Variants in SLC38A5 observed in about 807,000 individuals in gnomAD.
SLC38A5 encodes the protein solute carrier family 38 member 5, also known as sodium-coupled neutral amino acid transporter 5.
SLC38A5 carries 9 observed loss-of-function variants against 34.6 expected under a neutral mutation model. That is an observed-to-expected ratio of 0.26 (90% confidence interval 0.16 to 0.45). The LOEUF (loss-of-function observed/expected upper bound fraction) is 0.45, where lower values mean the gene tolerates loss of function less well. Among genes scored for constraint, SLC38A5 ranks in the 20% least tolerant of loss-of-function variants. The probability of loss-of-function intolerance (pLI) is 1.00; values close to 1 mark genes in which losing one functional copy is unlikely to be tolerated. For synonymous variants in SLC38A5, 157 were observed against 155.6 expected, an observed-to-expected ratio of 1.01 and a Z score of -0.07; for missense variants, 253 against 394.7, an observed-to-expected ratio of 0.64 and a Z score of 3.04.
intron 2 of SLC38A5, 183 bp from the exon 3 acceptor site, chrX:48,468,108 T>TGA: frequency 2.3e-6 from 2 of 880,126 alleles, no homozygotes; most frequent in Non-Finnish European, 3.0e-6. Context: ...GAGAAAGAGA[T>TGA]GAGAGAGAGA....
In SLC38A5 at chrX:48,466,822, A is replaced by G; in HGVS notation, c.296T>C (p.Leu99Pro). 8.3e-7 allele frequency: 1 copy of G among 1,205,206 alleles called. No individual in the cohort carries two copies. Among genetic ancestry groups the G allele is most frequent in the Non-Finnish European group, 1.1e-6 (1 of 892,276 alleles). ...ACCTGCAATACCAGCACAGGTCAGC[A>G]GGAGGTGGATGGAGTAGGACGACAG... ...ALLSSYSIHL[L>P]LTCAGIAGIR... The change falls in exon 6 of 17, where the codon CTG becomes CCG. Residue 99 changes from leucine (L) to proline (P), a missense_variant. Around this residue, in one of 3 missense-constraint regions of SLC38A5, gnomAD observed 37 missense variants for 85.3 expected, o/e 0.43. Coordinates refer to ENST00000620913, the MANE Select transcript of SLC38A5 (RefSeq NM_033518.4).
At position 48,462,992 on chromosome X, in the gene SLC38A5, G is replaced by A. The variant is rs372760215; in HGVS notation, c.492-12C>T. 1,900 of 1,168,795 alleles carry A rather than the reference G, an allele frequency of 1.6e-3. 8 individuals carry two copies. The highest frequency in any genetic ancestry group is 8.5e-3 in the Middle Eastern group (36 of 4,227). On this transcript the variant is annotated splice_polypyrimidine_tract_variant and intron_variant, in intron 8 of 16. Transcript: ENST00000620913. ...TCAAGAACCAGTCCCTAGAGAGACA[G>A]GAAGACACAGTGCCTAGCTGCCAGC...
At position 48,458,874 on chromosome X, in the gene SLC38A5, G is replaced by A; in HGVS notation, c.*59C>T. The A allele has an allele frequency of 8.8e-7, 1 of 1,133,567 alleles. No homozygotes were observed. 93.4% of individuals were successfully genotyped at this position (1,133,567 alleles called of 1,213,427 possible). On this transcript the variant is annotated 3_prime_UTR_variant, in exon 17 of 17. Coordinates refer to ENST00000620913, the MANE Select transcript of SLC38A5 (RefSeq NM_033518.4). ...ACATGTTGGGCAGGAGGGACCCTAG[G>A]GAGCGGCCCTGACCCCTCCATGTGC... is the stretch of plus-strand genomic sequence containing the variant.
In SLC38A5 at chrX:48,459,671, C is replaced by A. The variant is rs782363549; in HGVS notation, c.1214-32G>T. ...AACAAGAAGAAGGGACAGGAGTCAA[C>A]CTGACTTGGGGACAAGGCCCATATT... On this transcript the variant is annotated intron_variant, in intron 15 of 16. Coordinates refer to ENST00000620913, the MANE Select transcript of SLC38A5 (RefSeq NM_033518.4). 2.0e-5 allele frequency: 23 copies of A among 1,178,385 alleles called. No homozygotes were observed. In the South Asian group the frequency reaches 4.1e-4, roughly 21 times the overall value.
rs1385474826 is a variant in SLC38A5, at chrX:48,460,655, C to T, written c.1062G>A (p.Leu354=). ...LAVTLTVPVV[L]FPIRRALQQL... ...AGCCGTGGGCCCCACGCACAGGGAA[C>T]AGCACGACTGGCACAGTGAGGGTCA... Residue 354 remains leucine (L), a synonymous_variant, in exon 14 of 17, where the codon CTG becomes CTA. Transcript: ENST00000620913. 9.1e-6 allele frequency: 11 copies of T among 1,210,136 alleles called. No homozygotes were observed. The highest frequency in any genetic ancestry group is 1.2e-5 in the Non-Finnish European group (11 of 895,132).
At position 48,459,435 on chromosome X, in the gene SLC38A5, C is replaced by G. The variant is rs1556961358; in HGVS notation, c.1317+101G>C. On this transcript the variant is annotated intron_variant, in intron 16 of 16. Transcript: ENST00000620913. ...ACCATTCTTTCAGATGCTCTCCCAGCCCCCTCCTATGCATGTCCCTTTCAC... is the reference window on the plus strand; with the variant it reads ...ACCATTCTTTCAGATGCTCTCCCAGGCCCCTCCTATGCATGTCCCTTTCAC... 3 of 749,425 alleles carry G rather than the reference C, an allele frequency of 4.0e-6. No homozygotes were observed. In the African/African-American group the frequency reaches 6.6e-5, roughly 16 times the overall value. 61.8% of individuals were successfully genotyped at this position (749,425 alleles called of 1,213,427 possible). A position where few individuals can be genotyped will look rare whatever the true frequency, so the allele number is the denominator to read the frequency against.
At position 48,459,870 on chromosome X, in the gene SLC38A5, G is replaced by A. The variant is rs368546312; in HGVS notation, c.1075C>T (p.Arg359Trp). The change falls in exon 15 of 17, where the codon CGG becomes TGG. Residue 359 changes from arginine to tryptophan, a missense_variant. By Grantham distance (101) the Arg-to-Trp change is moderately radical. Around this residue, in one of 3 missense-constraint regions of SLC38A5, gnomAD observed 176 missense variants for 273.0 expected, o/e 0.64. Transcript: ENST00000620913. ...GGGAAAAGCAGCTGCTGCAGGGCCC[G>A]GCGGATCTGTGGCCAGAGTAGGGTG... ...TVPVVLFPIR[R>W]ALQQLLFPGK... The A allele has an allele frequency of 6.6e-6, 8 of 1,205,707 alleles. No homozygotes were observed. The Admixed American group carries it at 1.1e-4, about 17-fold the overall frequency.
intron 8 of SLC38A5, 44 bp from the exon 9 acceptor site, chrX:48,463,024 A>G: frequency 9.6e-7 from 1 of 1,047,022 alleles, no homozygotes. Context: ...CAGCCAAAGG[A>G]AACTGTCAGG....
rs140708656 is a variant in SLC38A5, at chrX:48,467,779, C to T, written c.60G>A (p.Arg20=). 2 of 1,205,780 alleles carry T rather than the reference C, an allele frequency of 1.7e-6. No individual in the cohort carries two copies. The highest frequency in any genetic ancestry group is 3.5e-5 in the African/African-American group (2 of 56,814). ...GALPSDAVGY[R]QEREGFLPSR... ...TGGGCAGGAAGCCCTCACGTTCTTG[C>T]CTGTAGCTGGATAGGGCAGGGAAAT... The change falls in exon 4 of 17, where the codon AGG becomes AGA. Residue 20 remains arginine (R), a synonymous_variant. Transcript: ENST00000620913.
intron 8 of SLC38A5, 121 bp downstream of exon 8, chrX:48,465,894 C>A: frequency 1.6e-6 from 1 of 612,083 alleles, no homozygotes; most frequent in Non-Finnish European, 2.4e-6. Context: ...AGTGGCCTGC[C>A]CAGCAGTCTC....
intron 8 of SLC38A5, among the ~76,000 whole-genome samples, chrX:48,463,198 T>C (rs1437126653): frequency 8.9e-6 from 1 of 112,555 alleles, no homozygotes; most frequent in African/African-American, 3.2e-5. Context: ...TCAGATACTA[T>C]CAGTGGGACA....
Position 48,468,226 on chromosome X carries a change from CAG to C in SLC38A5, c.-1-303_-1-302del. 5.1e-6 allele frequency: 5 copies of C among 985,012 alleles called. No individual in the cohort carries two copies. The South Asian group carries it at 1.6e-4, about 32-fold the overall frequency. The allele number at this position is 985,012 out of a possible 1,213,427, so 81.2% of individuals were successfully genotyped here. A position where few individuals can be genotyped will look rare whatever the true frequency, so the allele number is the denominator to read the frequency against. On this transcript the variant is annotated intron_variant, in intron 2 of 16. Coordinates refer to ENST00000620913, the MANE Select transcript of SLC38A5 (RefSeq NM_033518.4). ...TGGGGAAGAGAGAGACAGAAAGCTACAGAGAGAGCCGGACCCCAGCGCAGATG... is the reference window on the plus strand; with the variant it reads ...TGGGGAAGAGAGAGACAGAAAGCTACAGAGAGCCGGACCCCAGCGCAGATG...
At chrX:48,460,819 C>A in intron 13 of SLC38A5, 55 bp from the exon 14 acceptor site, 1 of 1,121,273 alleles carries the variant, frequency 8.9e-7, no homozygotes, top group Non-Finnish European at 1.2e-6. Flanking sequence ...GCACCAGGAC[C>A]AATGCCCCAG....
At chrX:48,459,356 G>T in intron 16 of SLC38A5, 180 bp downstream of exon 16, 1 of 467,477 alleles carries the variant, frequency 2.1e-6, no homozygotes, top group Non-Finnish European at 3.4e-6. Context: ...CCTGGACCCT[G>T]CTGGTGCTCT....
rs1556962068 is a variant in SLC38A5, at chrX:48,462,144, C to T, written c.634G>A (p.Val212Ile). Reference sequence around the variant, plus strand: ...CCAAGTTGGAACTTCTTGTAGATGACCTGAGGATGGGGGCAGCAGGGAAGC... The same window carrying T: ...CCAAGTTGGAACTTCTTGTAGATGATCTGAGGATGGGGGCAGCAGGGAAGC... ...LTCMLFFLVS[V>I]IYKKFQLGCA... The change falls in exon 11 of 17, where the codon GTC becomes ATC. Residue 212 changes from valine (V) to isoleucine (I), a missense_variant and splice_region_variant. By Grantham distance (29) the Val-to-Ile change is conservative. Around this residue, in one of 3 missense-constraint regions of SLC38A5, gnomAD observed 176 missense variants for 273.0 expected, o/e 0.64. Coordinates refer to ENST00000620913, the MANE Select transcript of SLC38A5 (RefSeq NM_033518.4). The T allele has an allele frequency of 8.3e-7, 1 of 1,207,948 alleles. No homozygotes were observed. Among genetic ancestry groups the T allele is most frequent in the Non-Finnish European group, 1.1e-6 (1 of 892,954 alleles).
chrX:48,465,194 A>G (rs782167633), intron 8 of SLC38A5, among the ~76,000 whole-genome samples: 39 of 111,621 alleles, frequency 3.5e-4, no homozygotes, highest in Non-Finnish European at 6.8e-4. Flanking sequence ...CCCCACACAT[A>G]CCAAGCCAGC....
chrX:48,459,276 A>G (rs782103137), intron 16 of SLC38A5: 109 of 433,694 alleles, frequency 2.5e-4, no homozygotes, highest in Admixed American at 3.5e-4. Context: ...TCTCTTCCCA[A>G]TAGTGCTCTT....
intron 8 of SLC38A5, 126 bp downstream of exon 8, chrX:48,465,889 C>A: frequency 1.8e-6 from 1 of 566,434 alleles, no homozygotes; most frequent in Non-Finnish European, 2.7e-6. Context: ...ACCCAAGTGG[C>A]CTGCCCAGCA....
Position 48,462,262 on chromosome X carries a change from G to C in SLC38A5, c.604C>G (p.Leu202Val). The C allele has an allele frequency of 8.3e-7, 1 of 1,211,086 alleles. No individual in the cohort carries two copies. The highest frequency in any genetic ancestry group is 1.1e-6 in the Non-Finnish European group (1 of 895,119). The change falls in exon 10 of 17, where the codon CTG becomes GTG. Residue 202 changes from leucine to valine, a missense_variant. Leu to Val is a conservative substitution (Grantham distance 32, BLOSUM62 1). This residue lies in a region of SLC38A5 where 176 missense variants were observed against 273.0 expected (regional missense o/e 0.64). Coordinates refer to ENST00000620913, the MANE Select transcript of SLC38A5 (RefSeq NM_033518.4). ...GYLGYTSGLS[L>V]TCMLFFLVSV... ...ACAAGGAAAAACAGCATGCAGGTCA[G>C]AGAGAGACCACTGGTGTACCCCAGG...
Sources: allele counts gnomAD v4.1 joint callset (sites outside exome capture counted in the v4.1 genomes callset), GRCh38; gene constraint gnomAD v4.1.1; regional missense constraint gnomAD v4.1.1; transcripts MANE v1.5; gene names NCBI Gene and HGNC (gene_info 2026-07-23, HGNC 2026-07-21).